Variants in SLC35F1 observed in about 807,000 individuals in gnomAD.
SLC35F1 encodes solute carrier family 35 member F1, also known as chromosome 6 open reading frame 169.
In SLC35F1, 14 loss-of-function variants were observed where a neutral mutation model predicts 48.7. The observed-to-expected ratio is 0.29, with a 90% confidence interval of 0.19 to 0.45. The LOEUF (loss-of-function observed/expected upper bound fraction) is 0.45. Ranked by LOEUF, SLC35F1 falls within the 20% of genes least tolerant of loss-of-function variation. The probability of loss-of-function intolerance (pLI) is 1.00; values close to 1 mark genes in which losing one functional copy is unlikely to be tolerated. For synonymous variants in SLC35F1, 190 were observed against 202.2 expected, an observed-to-expected ratio of 0.94 and a Z score of 0.51; for missense variants, 404 against 500.0, an observed-to-expected ratio of 0.81 and a Z score of 1.83.
intron 1 of SLC35F1, among the ~76,000 whole-genome samples, chr6:118,147,507 A>T (rs1773991884): frequency 1.3e-5 from 2 of 152,104 alleles, no homozygotes; most frequent in Non-Finnish European, 2.9e-5. Flanking sequence ...ATTGAAAGGG[A>T]GCATAAGAAG....
chr6:118,159,911 A>C (rs950169534), intron 2 of SLC35F1, among the ~76,000 whole-genome samples: 1 of 152,220 alleles, frequency 6.6e-6, no homozygotes, highest in African/African-American at 2.4e-5. Context: ...AGTGTATATA[A>C]ATCATAAAAA....
intron 1 of SLC35F1, among the ~76,000 whole-genome samples, chr6:118,060,121 T>A (rs1234892613): frequency 6.6e-6 from 1 of 152,184 alleles, no homozygotes; most frequent in Non-Finnish European, 1.5e-5. Flanking sequence ...GACTTGAGGT[T>A]TTGTATGCTT....
chr6:118,137,122 A>G (rs1029695098), intron 1 of SLC35F1, among the ~76,000 whole-genome samples: 1 of 152,146 alleles, frequency 6.6e-6, no homozygotes, highest in Non-Finnish European at 1.5e-5. Flanking sequence ...TTCATCTTTT[A>G]TCACATCATT....
intron 1 of SLC35F1, among the ~76,000 whole-genome samples, chr6:118,106,421 C>T (rs1455579178): frequency 6.6e-6 from 1 of 152,144 alleles, no homozygotes; most frequent in Non-Finnish European, 1.5e-5. Flanking sequence ...TGACAAATTC[C>T]TCAAAGACAA....
chr6:118,078,742 G>T (rs955033651), intron 1 of SLC35F1, among the ~76,000 whole-genome samples: 1 of 152,098 alleles, frequency 6.6e-6, no homozygotes, highest in Non-Finnish European at 1.5e-5. Context: ...TGGTGTCAAG[G>T]TGCAGAAAGA....
At chr6:117,920,839 T>C (rs909082928) in intron 1 of SLC35F1, among the ~76,000 whole-genome samples, 3 of 152,128 alleles carry the variant, frequency 2.0e-5, no homozygotes, top group African/African-American at 7.2e-5. Flanking sequence ...CCAGATAAAA[T>C]AGACAGCTGA....
chr6:118,013,910 G>T (rs892944179), intron 1 of SLC35F1, among the ~76,000 whole-genome samples: 1 of 152,198 alleles, frequency 6.6e-6, no homozygotes, highest in Non-Finnish European at 1.5e-5. Flanking sequence ...TAGTTAATTA[G>T]GCACTTACAA....
At chr6:118,251,039 G>C (rs1483754499) in intron 3 of SLC35F1, among the ~76,000 whole-genome samples, 4 of 152,122 alleles carry the variant, frequency 2.6e-5, no homozygotes, top group African/African-American at 9.7e-5. Flanking sequence ...TGTAATCCCA[G>C]CACTTTGGGA....
chr6:118,075,859 C>A (rs1364379128), intron 1 of SLC35F1, among the ~76,000 whole-genome samples: 1 of 152,196 alleles, frequency 6.6e-6, no homozygotes, highest in Non-Finnish European at 1.5e-5. Flanking sequence ...TTGCCCCACA[C>A]AGTGTTGTTC....
intron 1 of SLC35F1, among the ~76,000 whole-genome samples, chr6:117,923,654 CATATGT>C (rs1775946016): frequency 1.8e-5 from 1 of 54,056 alleles, no homozygotes; most frequent in Non-Finnish European, 4.0e-5. Context: ...TACATATGTA[CATATGT>C]ATATATACAT....
intron 1 of SLC35F1, among the ~76,000 whole-genome samples, chr6:118,101,279 A>G (rs923294317): frequency 6.6e-6 from 1 of 152,206 alleles, no homozygotes; most frequent in African/African-American, 2.4e-5. Context: ...AAACCGCCCT[A>G]AAGTAATTTA....
At chr6:118,116,856 C>T (rs1773482559) in intron 1 of SLC35F1, among the ~76,000 whole-genome samples, 2 of 152,124 alleles carry the variant, frequency 1.3e-5, no homozygotes, top group African/African-American at 2.4e-5. Context: ...AATAGAAGCT[C>T]AGTATTGAGT....
At chr6:118,191,244 A>G (rs537369361) in intron 2 of SLC35F1, among the ~76,000 whole-genome samples, 145 of 152,292 alleles carry the variant, frequency 9.5e-4, no homozygotes, top group Middle Eastern at 3.4e-3. Flanking sequence ...TCTTTCATCT[A>G]TCAAAGTATA....
intron 1 of SLC35F1, among the ~76,000 whole-genome samples, chr6:117,980,157 T>C (rs1776758414): frequency 6.6e-6 from 1 of 152,174 alleles, no homozygotes; most frequent in Non-Finnish European, 1.5e-5. Context: ...CTCAACATCG[T>C]TGATTTTGAG....
intron 1 of SLC35F1, among the ~76,000 whole-genome samples, chr6:117,926,301 T>A (rs2114808177): frequency 6.6e-6 from 1 of 152,302 alleles, no homozygotes; most frequent in Admixed American, 6.5e-5. Flanking sequence ...TGCTGCCCTG[T>A]GAAGAGGTGC....
chr6:118,284,003 TTTAC>T (rs1394610358), intron 6 of SLC35F1, among the ~76,000 whole-genome samples: 1 of 152,196 alleles, frequency 6.6e-6, no homozygotes, highest in Non-Finnish European at 1.5e-5. Flanking sequence ...TTGTACTGAG[TTTAC>T]TTACTTATGT....
intron 2 of SLC35F1, among the ~76,000 whole-genome samples, chr6:118,191,077 C>G (rs931758851): frequency 2.0e-5 from 3 of 152,078 alleles, no homozygotes; most frequent in African/African-American, 7.2e-5. Flanking sequence ...GGAAAAAGGA[C>G]CTAAAACACG....
At chr6:118,277,624 G>A (rs1775934084) in intron 6 of SLC35F1, 78 bp downstream of exon 6, 10 of 1,282,930 alleles carry the variant, frequency 7.8e-6, no homozygotes, top group South Asian at 1.2e-5. Context: ...GTCGGGTGGA[G>A]CACAAACAAG....
intron 1 of SLC35F1, among the ~76,000 whole-genome samples, chr6:117,997,858 T>G (rs1278286492): frequency 2.0e-5 from 3 of 152,252 alleles, no homozygotes; most frequent in African/African-American, 7.2e-5. Flanking sequence ...AGGAAGAAAC[T>G]GCATCAACTA....
Sources: gnomAD v4.1 joint callset for allele counts (sites outside exome capture counted in the v4.1 genomes callset) on GRCh38, gnomAD v4.1.1 for gene constraint, MANE v1.5 for transcripts, NCBI Gene and HGNC (gene_info 2026-07-23, HGNC 2026-07-21) for gene names.